IGSF5: variants seen among roughly 807,000 people sequenced by gnomAD.
IGSF5 encodes immunoglobulin superfamily 5 like.
IGSF5 carries 41 observed loss-of-function variants against 39.4 expected under a neutral mutation model. The observed-to-expected ratio is 1.04, with a 90% confidence interval of 0.81 to 1.35. IGSF5 has a LOEUF of 1.35. IGSF5 is among the 40% of genes most tolerant of loss of function. The pLI is 0.00. For missense variants in IGSF5, 487 were observed against 494.6 expected (o/e 0.98, Z 0.15); for synonymous variants, 183 against 175.3 (o/e 1.04, Z -0.34).
At chr21:39,766,874 T>A (rs1299425764) in intron 3 of IGSF5, among the ~76,000 whole-genome samples, 1 of 152,164 alleles carries the variant, frequency 6.6e-6, no homozygotes, top group Non-Finnish European at 1.5e-5. Flanking sequence ...CTGGAAGAAA[T>A]TCCCAAAGAT....
At position 39,793,610 on chromosome 21, in the gene IGSF5, C is replaced by T; in HGVS notation, c.1125C>T (p.His375=). The change falls in exon 8 of 9, where the codon CAC becomes CAT. Residue 375 remains histidine (H), a synonymous_variant. Coordinates refer to ENST00000380588, the MANE Select transcript of IGSF5 (RefSeq NM_001080444.2). ...EQRNSSCGPP[H]QRADQRPPRP... ...GAAACAGTAGCTGTGGCCCTCCTCA[C>T]CAGGTAGTTTAGACCATTTTCCCCC... is the stretch of plus-strand genomic sequence containing the variant. 6.2e-7 allele frequency: 1 copy of T among 1,613,130 alleles called. No homozygotes were observed. Among genetic ancestry groups the T allele is most frequent in the Non-Finnish European group, 8.5e-7 (1 of 1,179,162 alleles).
At chr21:39,749,932 G>T (rs369248507) in intron 2 of IGSF5, among the ~76,000 whole-genome samples, 2 of 152,190 alleles carry the variant, frequency 1.3e-5, no homozygotes, top group Non-Finnish European at 2.9e-5. Context: ...CCTTTGCTCC[G>T]CACCTGTGAA....
chr21:39,729,158 T>A, the IGSF5 span: 1 of 152,234 alleles, frequency 6.6e-6, no homozygotes, highest in African/African-American at 2.4e-5. Context: ...GCAGTCCTGC[T>A]CCTCAGGGCC....
intron 8 of IGSF5, among the ~76,000 whole-genome samples, chr21:39,799,557 C>T (rs2087017186): frequency 6.6e-6 from 1 of 151,082 alleles, no homozygotes; most frequent in South Asian, 2.1e-4. Flanking sequence ...AGCATTGTTT[C>T]TAAGGGAGGG....
chr21:39,786,623 A>G (rs529318539), intron 5 of IGSF5, among the ~76,000 whole-genome samples: 251 of 150,622 alleles, frequency 1.7e-3, no homozygotes, highest in African/African-American at 6.0e-3. Context: ...TACCCAAAGG[A>G]CTATAAATCA....
chr21:39,795,990 T>G (rs1366332080), intron 8 of IGSF5, among the ~76,000 whole-genome samples: 2 of 152,086 alleles, frequency 1.3e-5, no homozygotes, highest in Non-Finnish European at 2.9e-5. Context: ...AAAGAAGAGG[T>G]CTATCTTTGA....
At chr21:39,796,570 G>A (rs1816585046) in intron 8 of IGSF5, among the ~76,000 whole-genome samples, 1 of 152,210 alleles carries the variant, frequency 6.6e-6, no homozygotes, top group African/African-American at 2.4e-5. Context: ...GCATGCCTCA[G>A]TATGACTCCA....
At chr21:39,745,159 C>CTCTCTCTCTCTTCA (rs2079967277), upstream of IGSF5, among the ~76,000 whole-genome samples, 1 of 150,526 alleles carries the variant, frequency 6.6e-6, no homozygotes, top group African/African-American at 2.4e-5. Context: ...CTCTCTTCAT[C>CTCTCTCTCTCTTCA]TCTCTCTCTC....
chr21:39,723,323 C>T, the IGSF5 span, among the ~76,000 whole-genome samples: 5 of 152,300 alleles, frequency 3.3e-5, no homozygotes, highest in Non-Finnish European at 5.9e-5. Context: ...GATTGCTTGC[C>T]ATGTGGGTGT....
intron 4 of IGSF5, among the ~76,000 whole-genome samples, chr21:39,775,675 A>C (rs1015027942): frequency 6.6e-6 from 1 of 152,132 alleles, no homozygotes; most frequent in African/African-American, 2.4e-5. Flanking sequence ...TGCAGGGAGA[A>C]AGGCAAGCAG....
the IGSF5 span, among the ~76,000 whole-genome samples, chr21:39,721,646 A>G: frequency 1.7e-4 from 25 of 150,742 alleles, no homozygotes; most frequent in Non-Finnish European, 2.6e-4. Context: ...GAGCCTGGCC[A>G]TGATGACACC....
At chr21:39,799,085 A>G (rs1601146301) in intron 8 of IGSF5, among the ~76,000 whole-genome samples, 1 of 151,844 alleles carries the variant, frequency 6.6e-6, no homozygotes, top group African/African-American at 2.4e-5. Flanking sequence ...CAGTTCCTAG[A>G]CCTCTTGGTC....
the IGSF5 span, among the ~76,000 whole-genome samples, chr21:39,734,487 T>G: frequency 6.8e-6 from 1 of 147,636 alleles, no homozygotes; most frequent in African/African-American, 2.6e-5. Context: ...CATTACTCAT[T>G]ATAATATCAT....
At chr21:39,717,921 T>C in the IGSF5 span, among the ~76,000 whole-genome samples, 1 of 152,234 alleles carries the variant, frequency 6.6e-6, no homozygotes, top group Admixed American at 6.5e-5. Flanking sequence ...ATCTGTAAAT[T>C]GCTTTGGGTG....
At chr21:39,765,441 G>T (rs1569251674) in intron 2 of IGSF5, 94 bp from the exon 3 acceptor site, 1 of 1,154,150 alleles carries the variant, frequency 8.7e-7, no homozygotes, top group South Asian at 1.4e-5. Flanking sequence ...GACAACCTGG[G>T]GGTTACCACT....
At chr21:39,780,008 T>C (rs1383210539) in intron 5 of IGSF5, among the ~76,000 whole-genome samples, 4 of 152,208 alleles carry the variant, frequency 2.6e-5, no homozygotes, top group Non-Finnish European at 4.4e-5. Flanking sequence ...TTAATTATCA[T>C]GTATTGTGTA....
intron 5 of IGSF5, among the ~76,000 whole-genome samples, chr21:39,781,780 T>A (rs2142194): frequency 0.79 from 120,434 of 152,090 alleles, 47,827 homozygotes; most frequent in Admixed American, 0.84. Flanking sequence ...AATTTTTATA[T>A]GTTTTTATAA....
chr21:39,736,210 C>T, the IGSF5 span, among the ~76,000 whole-genome samples: 1 of 152,172 alleles, frequency 6.6e-6, no homozygotes, highest in Non-Finnish European at 1.5e-5. Context: ...TGCCTAAAAT[C>T]TGCCCCTCAC....
chr21:39,778,048 TG>T (rs2080149902), intron 4 of IGSF5, among the ~76,000 whole-genome samples: 2 of 152,162 alleles, frequency 1.3e-5, no homozygotes, highest in Admixed American at 1.3e-4. Flanking sequence ...CAGGGTTGAG[TG>T]ACAGCCTTTT....
Sources: allele counts gnomAD v4.1 joint callset (sites outside exome capture counted in the v4.1 genomes callset), GRCh38; gene constraint gnomAD v4.1.1; transcripts MANE v1.5; gene names NCBI Gene and HGNC (gene_info 2026-07-23, HGNC 2026-07-21).